DHX40: variants seen among roughly 807,000 people sequenced by gnomAD.
DHX40 encodes the protein probable ATP-dependent RNA helicase DHX40.
DHX40 carries 28 observed loss-of-function variants against 89.6 expected under a neutral mutation model. The ratio of observed to expected loss-of-function variants is 0.31; its 90% CI spans 0.23 to 0.43. The LOEUF (loss-of-function observed/expected upper bound fraction) is 0.43. DHX40 is among the 20% of genes least tolerant of loss of function. The pLI, the probability that DHX40 is intolerant of heterozygous loss-of-function variation, is 1.00. For synonymous variants in DHX40, 226 were observed against 283.6 expected, an observed-to-expected ratio of 0.80 and a Z score of 2.04; for missense variants, 457 against 844.0, an observed-to-expected ratio of 0.54 and a Z score of 5.68.
At chr17:59,567,281 C>G (rs918615504) in intron 2 of DHX40, among the ~76,000 whole-genome samples, 3 of 152,082 alleles carry the variant, frequency 2.0e-5, no homozygotes, top group Non-Finnish European at 2.9e-5. Flanking sequence ...TGGACTGATC[C>G]CCCGCACTAG....
At chr17:59,576,704 T>G in intron 7 of DHX40, among the ~76,000 whole-genome samples, 1 of 152,206 alleles carries the variant, frequency 6.6e-6, no homozygotes, top group Non-Finnish European at 1.5e-5. Flanking sequence ...CACCGATGCT[T>G]TTATAATTTA....
intron 12 of DHX40, among the ~76,000 whole-genome samples, chr17:59,591,393 GT>G (rs1194358437): frequency 6.6e-6 from 1 of 151,488 alleles, no homozygotes; most frequent in African/African-American, 2.4e-5. Flanking sequence ...AGAGTGCAGG[GT>G]TCTGTCCAGC....
intron 14 of DHX40, among the ~76,000 whole-genome samples, chr17:59,600,225 A>G (rs1262146932): frequency 1.3e-5 from 2 of 152,100 alleles, no homozygotes; most frequent in African/African-American, 2.4e-5. Context: ...GTAAGTCCTC[A>G]CTTAATGTCA....
intron 2 of DHX40, among the ~76,000 whole-genome samples, chr17:59,569,739 T>TATATATATCTATATATATATAGATA (rs2048765097): frequency 6.9e-6 from 1 of 144,962 alleles, no homozygotes; most frequent in African/African-American, 2.6e-5. Flanking sequence ...ATATATATAA[T>TATATATATCTATATATATATAGATA]TTTTTCTTTC....
rs956100413 is a variant in DHX40 at position 59,607,724 on chromosome 17, TAATC to T, written c.*556_*559del. ...TTTATAGATATTTAGAGAAAAGACT[TAATC>T]AATTAGTAAATAAAATTGCCTATGG... is the stretch of plus-strand genomic sequence containing the variant. On this transcript the variant is annotated 3_prime_UTR_variant, in exon 18 of 18. Transcript: ENST00000251241. 6 of 155,196 alleles carry T rather than the reference TAATC, an allele frequency of 3.9e-5. No individual in the cohort carries two copies. Among genetic ancestry groups the T allele is most frequent in the South Asian group, 2.1e-4 (1 of 4,868 alleles). The allele number at this position is 155,196 out of a possible 1,614,324, so 9.6% of individuals were successfully genotyped here.
At chr17:59,570,811 T>A in intron 3 of DHX40, 148 bp downstream of exon 3, 1 of 656,536 alleles carries the variant, frequency 1.5e-6, no homozygotes, top group Non-Finnish European at 2.3e-6. Context: ...GCCCCTTGGG[T>A]AGCTGGGACT....
rs756862168 is a variant in DHX40, at chr17:59,577,209, C to G, written c.974-57C>G. ...TAATGAAAAATTAAGTTCTTCAAAA[C>G]TCGAGTTTGACACATGCATGTTGTA... On this transcript the variant is annotated intron_variant, in intron 7 of 17. Transcript: ENST00000251241. 16 of 1,442,346 alleles carry G rather than the reference C, an allele frequency of 1.1e-5. No homozygotes were observed. In the African/African-American group the frequency reaches 2.2e-4, roughly 20 times the overall value. The allele number at this position is 1,442,346 out of a possible 1,614,324, so 89.3% of individuals were successfully genotyped here. A position where few individuals can be genotyped will look rare whatever the true frequency, so the allele number is the denominator to read the frequency against.
intron 14 of DHX40, among the ~76,000 whole-genome samples, chr17:59,601,307 T>C (rs1184504315): frequency 6.6e-6 from 1 of 152,104 alleles, no homozygotes; most frequent in Non-Finnish European, 1.5e-5. Context: ...AGACCCTGAC[T>C]CAAAACAAAA....
rs200184381 is a variant in DHX40 at position 59,605,442 on chromosome 17, A to G, written c.1972-4A>G. Reference sequence around the variant, plus strand: ...ACCATCATTAAAAGAAATGTTTTGTATAGCTTCATGAACAGGAAACCAAAC... The same window carrying G: ...ACCATCATTAAAAGAAATGTTTTGTGTAGCTTCATGAACAGGAAACCAAAC... On this transcript the variant is annotated splice_region_variant and splice_polypyrimidine_tract_variant and intron_variant, in intron 16 of 17. Transcript: ENST00000251241. 1 of 1,609,970 alleles carries G rather than the reference A, an allele frequency of 6.2e-7. No individual in the cohort carries two copies. Among genetic ancestry groups the G allele is most frequent in the African/African-American group, 1.3e-5 (1 of 74,962 alleles).
At chr17:59,600,344 A>T (rs2030416901) in intron 14 of DHX40, among the ~76,000 whole-genome samples, 1 of 152,150 alleles carries the variant, frequency 6.6e-6, no homozygotes, top group Admixed American at 6.5e-5. Context: ...GAAAAAAAAA[A>T]ATCTTAAAAA....
intron 14 of DHX40, among the ~76,000 whole-genome samples, chr17:59,599,972 C>T (rs1193085403): frequency 5.9e-5 from 9 of 151,410 alleles, no homozygotes; most frequent in Admixed American, 4.6e-4. Flanking sequence ...TACAGGCTTG[C>T]GTCACCACAC....
At chr17:59,586,301 A>G in intron 11 of DHX40, 68 bp downstream of exon 11, 1 of 1,178,190 alleles carries the variant, frequency 8.5e-7, no homozygotes, top group East Asian at 2.6e-5. Flanking sequence ...GGCTCTAAAT[A>G]CCTTTCTCTA....
rs772237931 is a variant in DHX40, at chr17:59,570,626, T to C, written c.389T>C (p.Val130Ala). The change falls in exon 3 of 18, where the codon GTA (valine) becomes GCA (alanine). Residue 130 changes from valine to alanine, a missense_variant. Transcript: ENST00000251241. Reference sequence around the variant, plus strand: ...ATGAAATGCACTTTGGGATCCAAAGTAGGATACCAAGTTCGTTTTGATGAT... The same window carrying C: ...ATGAAATGCACTTTGGGATCCAAAGCAGGATACCAAGTTCGTTTTGATGAT... Reference protein sequence around the residue: ...EEMKCTLGSKVGYQVRFDDCS... With the variant: ...EEMKCTLGSKAGYQVRFDDCS... The C allele has an allele frequency of 1.9e-6, 3 of 1,608,862 alleles. No individual in the cohort carries two copies. The South Asian group carries it at 3.3e-5, about 18-fold the overall frequency.
chr17:59,565,881 G>C, intron 1 of DHX40, 98 bp downstream of exon 1: 1 of 1,044,684 alleles, frequency 9.6e-7, no homozygotes, highest in Non-Finnish European at 1.3e-6. Flanking sequence ...GAGAAGAGTA[G>C]TGAGGAAGCC....
rs753128299 is a variant in DHX40, at chr17:59,566,614, T to C, written c.113-13T>C. 1 of 1,567,878 alleles carries C rather than the reference T, an allele frequency of 6.4e-7. No individual in the cohort carries two copies. Among genetic ancestry groups the C allele is most frequent in the South Asian group, 1.2e-5 (1 of 82,014 alleles). ...ACAAGTCTTTTAATTGACTTGTTTT[T>C]CTGTTATTACAGAAGAGAAAGGATG... is the stretch of plus-strand genomic sequence containing the variant. On this transcript the variant is annotated splice_polypyrimidine_tract_variant and intron_variant, in intron 1 of 17. Transcript: ENST00000251241.
chr17:59,597,010 G>C (rs57531302), intron 12 of DHX40, among the ~76,000 whole-genome samples: 10,131 of 133,892 alleles, frequency 0.076, 460 homozygotes, highest in Middle Eastern at 0.21. Flanking sequence ...ATGGCACTCT[G>C]AAAGATTAGC....
intron 14 of DHX40, among the ~76,000 whole-genome samples, 193 bp from the exon 15 acceptor site, chr17:59,602,329 T>C (rs1254556837): frequency 3.9e-5 from 6 of 152,216 alleles, no homozygotes; most frequent in South Asian, 4.1e-4. Flanking sequence ...TTGCCTGATA[T>C]TACAGTGTTT....
intron 2 of DHX40, among the ~76,000 whole-genome samples, chr17:59,567,579 AT>A (rs1244963710): frequency 1.3e-5 from 2 of 152,150 alleles, no homozygotes; most frequent in Non-Finnish European, 2.9e-5. Flanking sequence ...CACTGATTCT[AT>A]TTTATGAGAC....
intron 1 of DHX40, 69 bp from the exon 2 acceptor site, chr17:59,566,558 A>C: frequency 2.8e-6 from 4 of 1,423,042 alleles, no homozygotes; most frequent in Non-Finnish European, 3.7e-6. Context: ...TTCTGGTTTT[A>C]GTCATGAGAA....
Sources: gnomAD v4.1 joint callset for allele counts (sites outside exome capture counted in the v4.1 genomes callset) on GRCh38, gnomAD v4.1.1 for gene constraint, MANE v1.5 for transcripts, NCBI Gene and HGNC (gene_info 2026-07-23, HGNC 2026-07-21) for gene names.